ZNF529: variants seen among roughly 807,000 people sequenced by gnomAD.
The protein encoded by ZNF529 is zinc finger protein 529.
A neutral mutation model predicts 10.1 loss-of-function variants in ZNF529; 11 were observed. The observed-to-expected ratio is 1.09, with a 90% CI of 0.69 to 1.81. ZNF529 has a LOEUF of 1.81. Ranked by LOEUF, ZNF529 falls within the 40% of genes most tolerant of loss-of-function variation. The pLI is 0.00. For missense variants in ZNF529, 624 were observed against 666.8 expected (o/e 0.94, Z 0.71); for synonymous variants, 204 against 215.7 (o/e 0.95, Z 0.47).
rs554880332 is a variant in ZNF529, at chr19:36,587,196, C to T, written c.-41+2419G>A. On this transcript the variant is annotated intron_variant, in intron 2 of 4. Transcript: ENST00000585960. The stretch of plus-strand genomic sequence containing the variant: ...AGGAGAATCGCTTGAACCCATGAGG[C>T]GGAGGTTGTAGTGAGCCAAGATCAT... Among the ~76,000 whole-genome samples, 23 of 150,400 alleles carry T rather than the reference C, an allele frequency of 1.5e-4. No individual in the cohort carries two copies. The East Asian group carries it at 2.8e-3, about 18-fold the overall frequency.
intron 2 of ZNF529, among the ~76,000 whole-genome samples, chr19:36,564,689 G>C (rs1346094743): frequency 6.6e-6 from 1 of 152,126 alleles, no homozygotes; most frequent in Non-Finnish European, 1.5e-5. Context: ...GCAGTTTGGA[G>C]ATTTCTCAAA....
At chr19:36,592,139 G>T (rs1026276985) in intron 1 of ZNF529, among the ~76,000 whole-genome samples, 2 of 151,268 alleles carry the variant, frequency 1.3e-5, no homozygotes, top group African/African-American at 4.9e-5. Context: ...AAAAAAATTA[G>T]CCAGGCATGG....
At chr19:36,594,190 TG>T (rs1490399203) in intron 1 of ZNF529, 1 of 152,184 alleles carries the variant, frequency 6.6e-6, no homozygotes, top group African/African-American at 2.4e-5. Context: ...ACACCAGAAC[TG>T]CATGAATGGC....
intron 1 of ZNF529, among the ~76,000 whole-genome samples, chr19:36,596,057 CTTTTTTTTTT>C (rs61695534): frequency 1.5e-5 from 1 of 68,618 alleles, no homozygotes; most frequent in African/African-American, 6.9e-5. Flanking sequence ...TCCTGAAGCT[CTTTTTTTTTT>C]TTTTTTTTTT....
rs546565312 is a variant in ZNF529, at chr19:36,565,406, C to T, written c.14+6927G>A. Among the ~76,000 whole-genome samples the T allele has an allele frequency of 4.6e-5, 7 of 152,142 alleles. No individual in the cohort carries two copies. In the South Asian group the frequency reaches 1.5e-3, roughly 32 times the overall value. On this transcript the variant is annotated intron_variant, in intron 2 of 4. Transcript: ENST00000591340. Reference sequence around the variant, plus strand: ...GTAGAAAGTAACTCAAAGCCATATACAAAAATGAAGAACAGGCCGGGCGCG... The same window carrying T: ...GTAGAAAGTAACTCAAAGCCATATATAAAAATGAAGAACAGGCCGGGCGCG...
At chr19:36,561,843 T>C (rs35659382) in intron 2 of ZNF529, among the ~76,000 whole-genome samples, 8,503 of 152,336 alleles carry the variant, frequency 0.056, 249 homozygotes, top group African/African-American at 0.065. Context: ...AAGATGATTA[T>C]TCTCCAGGCT....
intron 2 of ZNF529, among the ~76,000 whole-genome samples, chr19:36,589,112 A>AT (rs1361428641): frequency 1.3e-5 from 2 of 151,858 alleles, no homozygotes; most frequent in African/African-American, 4.8e-5. Flanking sequence ...GGCACAGCTA[A>AT]TTTTACTTTT....
intron 2 of ZNF529, chr19:36,581,183 A>G (rs1280685960): frequency 1.3e-5 from 2 of 152,256 alleles, no homozygotes; most frequent in African/African-American, 4.8e-5. Context: ...CATAAGTCAC[A>G]ATAAACTTCA....
intron 2 of ZNF529, 27 bp downstream of exon 2, chr19:36,572,306 G>A (rs1361276521): frequency 2.6e-6 from 4 of 1,535,432 alleles, no homozygotes; most frequent in Non-Finnish European, 8.8e-7. Flanking sequence ...CAAGGGACCA[G>A]GTAAATGAAC....
intron 4 of ZNF529, among the ~76,000 whole-genome samples, chr19:36,552,285 C>A (rs2145797501): frequency 6.6e-6 from 1 of 152,156 alleles, no homozygotes; most frequent in East Asian, 1.9e-4. Flanking sequence ...AAAAAATTAG[C>A]CGGGCGTGGT....
Position 36,555,588 on chromosome 19 carries a change from G to A in ZNF529, c.108+516C>T, listed in dbSNP as rs2035436403. ...TGGGATTACAGGCGTGAGCCACCGC[G>A]CCCGGCCGCGATAAAGTTTTTAGTA... On this transcript the variant is annotated intron_variant, in intron 3 of 4. Transcript: ENST00000591340. Among the ~76,000 whole-genome samples the A allele has an allele frequency of 1.2e-4, 3 of 25,536 alleles. 1 individual carries two copies. The highest frequency in any genetic ancestry group is 1.5e-4 in the Non-Finnish European group (2 of 13,184). 16.8% of individuals were successfully genotyped at this position (25,536 alleles called of 152,430 possible).
chr19:36,544,421 A>T lies in ZNF529; in HGVS notation c.*2445T>A, dbSNP rs1324873528. 1 of 152,220 alleles carries T rather than the reference A, an allele frequency of 6.6e-6. No individual in the cohort carries two copies. Among genetic ancestry groups the T allele is most frequent in the Non-Finnish European group, 1.5e-5 (1 of 68,028 alleles). The allele number at this position is 152,220 out of a possible 1,614,324, so 9.4% of individuals were successfully genotyped here. A position where few individuals can be genotyped will look rare whatever the true frequency, so the allele number is the denominator to read the frequency against. ...CTCTCACTAATTTTAATGTCTGTAT[A>T]CAAGGTTTAGATATTTAGTTTTAAT... On this transcript the variant is annotated 3_prime_UTR_variant, in exon 5 of 5. Coordinates refer to ENST00000591340, the MANE Select transcript of ZNF529 (RefSeq NM_020951.5).
chr19:36,558,160 T>C (rs1016253258), intron 2 of ZNF529, among the ~76,000 whole-genome samples: 2 of 151,650 alleles, frequency 1.3e-5, no homozygotes, highest in Non-Finnish European at 2.9e-5. Flanking sequence ...ACAAGACAAA[T>C]TAACATCTCA....
chr19:36,571,734 T>C (rs1439077208), intron 2 of ZNF529, among the ~76,000 whole-genome samples: 3 of 151,802 alleles, frequency 2.0e-5, no homozygotes, highest in Admixed American at 6.6e-5. Flanking sequence ...GGCTTTATAT[T>C]ATATTTGCAT....
intron 1 of ZNF529, among the ~76,000 whole-genome samples, chr19:36,592,404 G>A (rs1047837590): frequency 5.9e-5 from 9 of 151,528 alleles, no homozygotes; most frequent in Non-Finnish European, 1.0e-4. Context: ...GACCACCCTG[G>A]GCAACATGGT....
chr19:36,589,162 G>T lies in ZNF529; in HGVS notation c.-41+453C>A, dbSNP rs1600355745. On this transcript the variant is annotated intron_variant, in intron 2 of 4. Coordinates refer to the ZNF529 transcript ENST00000585960. ...AGGTCTCACTCTGTTGCCCAGGCTGGTCTTGAACTCTTGGCCTCAAGTGAT... is the reference window on the plus strand; with the variant it reads ...AGGTCTCACTCTGTTGCCCAGGCTGTTCTTGAACTCTTGGCCTCAAGTGAT... 2.6e-5 allele frequency among the ~76,000 whole-genome samples: 4 copies of T among 152,148 alleles called. 1 individual carries two copies. In the South Asian group the frequency reaches 8.3e-4, roughly 32 times the overall value.
At chr19:36,597,591 G>C (rs558538835) in intron 1 of ZNF529, among the ~76,000 whole-genome samples, 1 of 152,106 alleles carries the variant, frequency 6.6e-6, no homozygotes, top group Non-Finnish European at 1.5e-5. Flanking sequence ...GTGCAGGGGT[G>C]GGGGAGAGGA....
In ZNF529 at chr19:36,554,743, T is replaced by G; in HGVS notation, c.162A>C (p.Glu54Asp). Reference sequence around the variant, plus strand: ...AGTTCCTCTGAGCAGAATCCAGATATTCCCATTCCTCCTGAGAGAAGTTGA... The same window carrying G: ...AGTTCCTCTGAGCAGAATCCAGATAGTCCCATTCCTCCTGAGAGAAGTTGA... ...VVINFSQEEW[E>D]YLDSAQRNLY... The change falls in exon 4 of 5, where the codon GAA (glutamate) becomes GAC (aspartate). Residue 54 changes from glutamate (E) to aspartate (D), a missense_variant. By Grantham distance (45) the Glu-to-Asp change is conservative (BLOSUM62 2). Coordinates refer to ENST00000591340, the MANE Select transcript of ZNF529 (RefSeq NM_020951.5). The G allele has an allele frequency of 6.3e-7, 1 of 1,578,048 alleles. No homozygotes were observed.
In ZNF529 at chr19:36,547,893, G is replaced by C. The variant is rs752112606; in HGVS notation, c.665C>G (p.Thr222Ser). The stretch of plus-strand genomic sequence containing the variant: ...CATATATTTACAAGGTTTCACACCA[G>C]TATGAATATTCAGTTGTAACATACT... ...NSSMLQLNIH[T>S]GVKPCKYMEY... is the part of the protein sequence containing the mutation. Residue 222 changes from threonine to serine, a missense_variant, in exon 5 of 5, where the codon ACT becomes AGT. Thr to Ser is a moderately conservative substitution (Grantham distance 58). Coordinates refer to ENST00000591340, the MANE Select transcript of ZNF529 (RefSeq NM_020951.5). 5 of 1,612,192 alleles carry C rather than the reference G, an allele frequency of 3.1e-6. No homozygotes were observed. The highest frequency in any genetic ancestry group is 1.7e-5 in the Admixed American group (1 of 59,884).
Sources: gnomAD v4.1 joint callset for allele counts (sites outside exome capture counted in the v4.1 genomes callset) on GRCh38, gnomAD v4.1.1 for gene constraint, MANE v1.5 for transcripts, NCBI Gene and HGNC (gene_info 2026-07-23, HGNC 2026-07-21) for gene names.